The following MATN2 variants were observed in gnomAD, a reference collection of about 807,000 sequenced individuals.
The protein encoded by MATN2 is matrilin-2.
MATN2 carries 69 observed loss-of-function variants against 103.2 expected under a neutral mutation model. The ratio of observed to expected loss-of-function variants is 0.67; its 90% CI spans 0.55 to 0.82. MATN2 has a LOEUF of 0.82. MATN2 is among the 40% of genes least tolerant of loss of function. MATN2 has a pLI of 0.00. For missense variants in MATN2, 1,023 were observed against 1,211.5 expected (o/e 0.84, Z 2.31); for synonymous variants, 429 against 450.2 (o/e 0.95, Z 0.60).
At chr8:97,984,171 G>A (rs904616785) in intron 6 of MATN2, among the ~76,000 whole-genome samples, 3 of 152,148 alleles carry the variant, frequency 2.0e-5, no homozygotes, top group African/African-American at 7.2e-5. Context: ...TATTCTCACT[G>A]TGCCATCATC....
At position 97,947,093 on chromosome 8, in the gene MATN2, G is replaced by A. The variant is rs188031809; in HGVS notation, c.835+5194G>A. 3.0e-3 allele frequency among the ~76,000 whole-genome samples: 455 copies of A among 152,206 alleles called. 4 individuals carry two copies. The highest frequency in any genetic ancestry group is 9.8e-3 in the African/African-American group (405 of 41,532). On this transcript the variant is annotated intron_variant, in intron 4 of 18. Coordinates refer to ENST00000254898, the MANE Select transcript of MATN2 (RefSeq NM_002380.5). ...AATCAATATAATTAATCATAGTGGC[G>A]AGGTGTGGTGGCTCATGCCTGCAAT... is the stretch of plus-strand genomic sequence containing the variant.
rs1051988005 is a variant in MATN2 at position 98,005,541 on chromosome 8, A to G, written c.1328-1564A>G. ...CAGAAGAGCTCTAAGAACGGACCACAAGAGATCGGGACCCTCCCTTCTCTC... is the reference window on the plus strand; with the variant it reads ...CAGAAGAGCTCTAAGAACGGACCACGAGAGATCGGGACCCTCCCTTCTCTC... On this transcript the variant is annotated intron_variant, in intron 8 of 18. Transcript: ENST00000254898. The surrounding 1 kb of genome is among the most constrained non-coding windows in gnomAD (Gnocchi z 4.6). Among the ~76,000 whole-genome samples the G allele has an allele frequency of 6.6e-6, 1 of 152,130 alleles. No homozygotes were observed. The highest frequency in any genetic ancestry group is 1.5e-5 in the Non-Finnish European group (1 of 68,008).
chr8:97,941,485 T>C (rs990032831), intron 3 of MATN2, among the ~76,000 whole-genome samples: 3 of 152,220 alleles, frequency 2.0e-5, no homozygotes, highest in African/African-American at 7.2e-5. Context: ...ACATGGGTAT[T>C]ATTAAGTTGA....
chr8:98,035,608 A>G lies in MATN2; in HGVS notation c.2816-49A>G, dbSNP rs752756999. 3.5e-6 allele frequency: 4 copies of G among 1,139,832 alleles called. No homozygotes were observed. In the South Asian group the frequency reaches 5.9e-5, roughly 17 times the overall value. The allele number at this position is 1,139,832 out of a possible 1,614,324, so 70.6% of individuals were successfully genotyped here. A position where few individuals can be genotyped will look rare whatever the true frequency, so the allele number is the denominator to read the frequency against. On this transcript the variant is annotated intron_variant, in intron 18 of 18. Transcript: ENST00000254898. ...CGTGGATAAATCAAGTTATATTTAA[A>G]TGTAAATAAAAATAGACAATTCTTC... is the stretch of plus-strand genomic sequence containing the variant.
In MATN2 at chr8:97,885,836, G is replaced by A. The variant is rs138550619; in HGVS notation, c.-26-2239G>A. ...TAAATGGTTTAAAAAGGGGGGTGAGGAGAGTAGTTATTTGTAATGAGCTAG... is the reference window on the plus strand; with the variant it reads ...TAAATGGTTTAAAAAGGGGGGTGAGAAGAGTAGTTATTTGTAATGAGCTAG... On this transcript the variant is annotated intron_variant, in intron 1 of 18. Coordinates refer to ENST00000254898, the MANE Select transcript of MATN2 (RefSeq NM_002380.5). Among the ~76,000 whole-genome samples, 1,256 of 152,296 alleles carry A rather than the reference G, an allele frequency of 8.2e-3. 4 individuals are homozygous for A. Among genetic ancestry groups the A allele is most frequent in the Non-Finnish European group, 0.011 (782 of 68,030 alleles).
At chr8:97,989,418 G>A (rs148637347) in intron 6 of MATN2, among the ~76,000 whole-genome samples, 6,564 of 149,116 alleles carry the variant, frequency 0.044, 183 homozygotes, top group South Asian at 0.063. Flanking sequence ...GCAGTGAGCC[G>A]AGATCGTGCC....
chr8:98,016,298 G>A (rs537350614), intron 10 of MATN2, among the ~76,000 whole-genome samples: 5 of 152,246 alleles, frequency 3.3e-5, no homozygotes, highest in South Asian at 4.1e-4. Context: ...ACTTGAGCCC[G>A]GGAGGCAGAG....
intron 2 of MATN2, among the ~76,000 whole-genome samples, chr8:97,894,359 T>G (rs1818735039): frequency 6.7e-6 from 1 of 148,772 alleles, no homozygotes; most frequent in African/African-American, 2.5e-5. Flanking sequence ...AGACAGGATC[T>G]TATTCTGTTG....
At chr8:97,962,699 T>C (rs538005845) in intron 5 of MATN2, among the ~76,000 whole-genome samples, 10 of 152,338 alleles carry the variant, frequency 6.6e-5, no homozygotes, top group African/African-American at 2.2e-4. Context: ...CCAACATATA[T>C]ACCCATGGTT....
intron 6 of MATN2, 146 bp downstream of exon 6, chr8:97,979,154 G>A (rs1163502652): frequency 1.1e-6 from 1 of 895,836 alleles, no homozygotes; most frequent in Non-Finnish European, 1.6e-6. Flanking sequence ...TCCTCTGTCA[G>A]GACTTTCATG....
chr8:97,951,268 G>C (rs1469987310), intron 4 of MATN2, among the ~76,000 whole-genome samples: 1 of 152,224 alleles, frequency 6.6e-6, no homozygotes. Flanking sequence ...ACAAAAGAAG[G>C]AATCTGGGGT....
rs552755827 is a variant in MATN2 at position 97,884,286 on chromosome 8, T to A, written c.-26-3789T>A. Reference sequence around the variant, plus strand: ...CTTCCAAGTAGCTGGGATTACAGGCTTGCACCACCATGCCCAGCTAATTTT... The same window carrying A: ...CTTCCAAGTAGCTGGGATTACAGGCATGCACCACCATGCCCAGCTAATTTT... On this transcript the variant is annotated intron_variant, in intron 1 of 18. Transcript: ENST00000254898. Among the ~76,000 whole-genome samples, 261 of 151,916 alleles carry A rather than the reference T, an allele frequency of 1.7e-3. 1 individual carries two copies. Among genetic ancestry groups the A allele is most frequent in the African/African-American group, 5.6e-3 (234 of 41,450 alleles).
At chr8:97,883,284 CA>C (rs149466404) in intron 1 of MATN2, among the ~76,000 whole-genome samples, 11,210 of 115,048 alleles carry the variant, frequency 0.097, 434 homozygotes, top group African/African-American at 0.17. Context: ...GACTCTGTCT[CA>C]AAAAAAAAAA....
Position 98,030,482 on chromosome 8 carries a change from G to C in MATN2, c.2377G>C (p.Gly793Arg). ...KANGITMYAV[G>R]VGKAIEEELQ... ...CCTAGGTATCACTATGTATGCTGTT[G>C]GGGTAGGAAAAGCCATTGAGGAGGA... The change falls in exon 15 of 19, where the codon GGG (glycine) becomes CGG (arginine). Residue 793 changes from glycine (G) to arginine (R), a missense_variant. Coordinates refer to ENST00000254898, the MANE Select transcript of MATN2 (RefSeq NM_002380.5). The C allele has an allele frequency of 6.2e-7, 1 of 1,613,640 alleles. No individual in the cohort carries two copies. Among genetic ancestry groups the C allele is most frequent in the Non-Finnish European group, 8.5e-7 (1 of 1,179,790 alleles).
chr8:97,948,970 A>C (rs968625811), intron 4 of MATN2, among the ~76,000 whole-genome samples: 1 of 152,210 alleles, frequency 6.6e-6, no homozygotes, highest in Non-Finnish European at 1.5e-5. Flanking sequence ...TGTCCAACAA[A>C]GGACTTTAGA....
intron 1 of MATN2, among the ~76,000 whole-genome samples, chr8:97,876,063 G>A (rs978727565): frequency 8.5e-4 from 129 of 152,096 alleles, no homozygotes; most frequent in African/African-American, 2.9e-3. Context: ...CTGTCGCCCA[G>A]GCTGGAGTGC....
At chr8:97,944,980 G>C (rs1410195644) in intron 4 of MATN2, among the ~76,000 whole-genome samples, 2 of 152,160 alleles carry the variant, frequency 1.3e-5, no homozygotes, top group African/African-American at 4.8e-5. Flanking sequence ...TCATTGATTG[G>C]TTCATTTATT....
At chr8:97,873,235 G>A (rs575885194) in intron 1 of MATN2, among the ~76,000 whole-genome samples, 1 of 152,180 alleles carries the variant, frequency 6.6e-6, no homozygotes, top group South Asian at 2.1e-4. Context: ...AAAAAAGAAA[G>A]AAATATTAGA....
chr8:97,921,577 A>C (rs1412824679), intron 2 of MATN2, among the ~76,000 whole-genome samples: 1 of 152,194 alleles, frequency 6.6e-6, no homozygotes, highest in Non-Finnish European at 1.5e-5. Context: ...GTAAAAAAAA[A>C]ACAAATATAG....
Sources: gnomAD v4.1 joint callset for allele counts (sites outside exome capture counted in the v4.1 genomes callset) on GRCh38, gnomAD v4.1.1 for gene constraint, Gnocchi (gnomAD v3.1) non-coding constraint, MANE v1.5 for transcripts, NCBI Gene and HGNC (gene_info 2026-07-23, HGNC 2026-07-21) for gene names.